Variants in TTLL5 observed in about 807,000 individuals in gnomAD.
TTLL5 encodes the protein tubulin polyglutamylase TTLL5.
Under a neutral mutation model 168.4 loss-of-function variants are expected in TTLL5, and 132 were observed. That is an observed-to-expected ratio of 0.78 (90% CI 0.68 to 0.91). TTLL5 has a LOEUF of 0.91. Among genes scored for constraint, TTLL5 ranks in the 40% least tolerant of loss-of-function variants. TTLL5 has a pLI of 0.00. For missense variants in TTLL5, 1,545 were observed against 1,581.5 expected (o/e 0.98, Z 0.39); for synonymous variants, 546 against 558.6 (o/e 0.98, Z 0.32).
At chr14:75,884,960 G>T (rs1171406051) in intron 30 of TTLL5, among the ~76,000 whole-genome samples, 2 of 151,284 alleles carry the variant, frequency 1.3e-5, no homozygotes, top group Non-Finnish European at 2.9e-5. Flanking sequence ...CACGAGGTCA[G>T]GAGATCGAGA....
chr14:75,673,199 T>C (rs950870776), intron 3 of TTLL5, among the ~76,000 whole-genome samples: 2 of 152,154 alleles, frequency 1.3e-5, no homozygotes, highest in Non-Finnish European at 2.9e-5. Context: ...TCCTCCCAGC[T>C]CAGTCTCCTA....
Position 75,661,295 on chromosome 14 carries a change from G to T in TTLL5, c.-188G>T, listed in dbSNP as rs1890703105. 6.6e-6 allele frequency: 1 copy of T among 152,356 alleles called. No individual in the cohort carries two copies. The highest frequency in any genetic ancestry group is 3.4e-3 in the Middle Eastern group (1 of 296). 9.4% of individuals were successfully genotyped at this position (152,356 alleles called of 1,614,324 possible). On this transcript the variant is annotated 5_prime_UTR_variant, in exon 1 of 32. Transcript: ENST00000298832. ...AGTAACCGGGGAAGCAGCCGTCGGC[G>T]GCTGCCCTGAGCCTTCCTGGGGAAG...
chr14:75,667,737 G>A (rs1027315368), intron 2 of TTLL5, among the ~76,000 whole-genome samples: 2 of 147,286 alleles, frequency 1.4e-5, no homozygotes, highest in African/African-American at 5.1e-5. Context: ...CATTCAGAGT[G>A]TGGATCTTTT....
chr14:75,727,826 G>T (rs1390271960), intron 12 of TTLL5: 2 of 503,588 alleles, frequency 4.0e-6, no homozygotes, highest in Middle Eastern at 3.2e-4. Flanking sequence ...AATCTGTGAT[G>T]AAAGAAATAA....
chr14:75,756,460 G>A (rs1890267483), intron 18 of TTLL5, among the ~76,000 whole-genome samples: 2 of 151,884 alleles, frequency 1.3e-5, no homozygotes, highest in South Asian at 2.1e-4. Context: ...CAGTAAAAAT[G>A]TACTGAATTA....
rs1237015642 is a variant in TTLL5, at chr14:75,827,823, C to T, written c.3326+7662C>T. On this transcript the variant is annotated intron_variant, in intron 28 of 31. Coordinates refer to ENST00000298832, the MANE Select transcript of TTLL5 (RefSeq NM_015072.5). ...CAGCCTCTGCCTCCTCAGGCTCAAG[C>T]GATCCTCCCTCAGCCTCCCAAGTAG... Among the ~76,000 whole-genome samples, 4 of 144,364 alleles carry T rather than the reference C, an allele frequency of 2.8e-5. No homozygotes were observed. In the South Asian group the frequency reaches 6.9e-4, roughly 25 times the overall value. The allele number at this position is 144,364 out of a possible 152,430, so 94.7% of individuals were successfully genotyped here.
intron 31 of TTLL5, among the ~76,000 whole-genome samples, chr14:75,943,191 T>C (rs1024446028): frequency 2.6e-4 from 39 of 152,278 alleles, no homozygotes; most frequent in African/African-American, 8.9e-4. Context: ...CCTGCTCTTA[T>C]GACCCCGTCA....
intron 10 of TTLL5, among the ~76,000 whole-genome samples, chr14:75,719,292 C>T (rs1328198110): frequency 6.6e-6 from 1 of 152,214 alleles, no homozygotes; most frequent in East Asian, 1.9e-4. Context: ...TAGCATGCTG[C>T]ACCAGAATAA....
At chr14:75,741,504 G>A (rs898940926) in intron 15 of TTLL5, among the ~76,000 whole-genome samples, 2 of 150,046 alleles carry the variant, frequency 1.3e-5, no homozygotes, top group African/African-American at 4.9e-5. Context: ...AGTCTTGGTG[G>A]CCTTTCAAAT....
At position 75,697,619 on chromosome 14, in the gene TTLL5, G is replaced by A. The variant is rs112186953; in HGVS notation, c.503-1569G>A. 4.6e-3 allele frequency among the ~76,000 whole-genome samples: 702 copies of A among 152,278 alleles called. 4 individuals are homozygous for A. The highest frequency in any genetic ancestry group is 0.011 in the East Asian group (56 of 5,180). On this transcript the variant is annotated intron_variant, in intron 6 of 31. Transcript: ENST00000298832. ...AGGAAAGAAAAGGAGACAAGTAGTT[G>A]CTGGCAAGTCATCTGGGAAAAGGAG... is the stretch of plus-strand genomic sequence containing the variant.
intron 27 of TTLL5, among the ~76,000 whole-genome samples, chr14:75,816,245 T>C (rs1335364690): frequency 1.3e-5 from 2 of 152,100 alleles, no homozygotes; most frequent in African/African-American, 4.8e-5. Context: ...GCCAACATGG[T>C]GAAATCCTGT....
intron 3 of TTLL5, 74 bp downstream of exon 3, chr14:75,669,596 G>A: frequency 7.7e-7 from 1 of 1,306,682 alleles, no homozygotes; most frequent in Non-Finnish European, 1.1e-6. Context: ...AAGTTGATAT[G>A]ACATATATAT....
chr14:75,842,279 TCTATTC>T (rs1390834103), intron 28 of TTLL5, among the ~76,000 whole-genome samples: 7 of 152,200 alleles, frequency 4.6e-5, no homozygotes, highest in African/African-American at 1.7e-4. Context: ...GACCTTTCTG[TCTATTC>T]CTCTGGACTG....
intron 26 of TTLL5, among the ~76,000 whole-genome samples, chr14:75,790,064 G>A (rs1033548470): frequency 6.6e-6 from 1 of 152,188 alleles, no homozygotes; most frequent in Non-Finnish European, 1.5e-5. Flanking sequence ...GAAATTTCAT[G>A]TATGACAGAG....
At chr14:75,757,799 C>T (rs1173037332) in intron 18 of TTLL5, 2 of 1,580,454 alleles carry the variant, frequency 1.3e-6, no homozygotes, top group African/African-American at 1.3e-5. Context: ...GAATAGCATT[C>T]TCTAACCCGG....
intron 20 of TTLL5, among the ~76,000 whole-genome samples, chr14:75,770,584 G>T (rs1891244560): frequency 6.6e-6 from 1 of 152,162 alleles, no homozygotes; most frequent in Non-Finnish European, 1.5e-5. Context: ...CCAAAATCTG[G>T]CCTGAAAGAA....
At chr14:75,745,678 T>C in intron 17 of TTLL5, 97 bp downstream of exon 17, 1 of 938,428 alleles carries the variant, frequency 1.1e-6, no homozygotes, top group South Asian at 1.6e-5. Context: ...CGATGATGCT[T>C]TTCTTATTTT....
chr14:75,792,515 G>C (rs1283036377), intron 26 of TTLL5, among the ~76,000 whole-genome samples: 2 of 151,806 alleles, frequency 1.3e-5, no homozygotes, highest in African/African-American at 2.4e-5. Context: ...TGGATGATTT[G>C]ACAGTGGATG....
At chr14:75,737,993 A>G (rs1889015573) in intron 15 of TTLL5, among the ~76,000 whole-genome samples, 1 of 152,148 alleles carries the variant, frequency 6.6e-6, no homozygotes, top group Non-Finnish European at 1.5e-5. Flanking sequence ...TCTATAGCTT[A>G]ATATTGGAAA....
Sources: allele counts gnomAD v4.1 joint callset (sites outside exome capture counted in the v4.1 genomes callset), GRCh38; gene constraint gnomAD v4.1.1; transcripts MANE v1.5; gene names NCBI Gene and HGNC (gene_info 2026-07-23, HGNC 2026-07-21).